IL16: variants seen among roughly 807,000 people sequenced by gnomAD.
IL16 encodes interleukin 16, also known as pro-interleukin-16.
In IL16, 67 loss-of-function variants were observed where a neutral mutation model predicts 110.1. The ratio of observed to expected loss-of-function variants is 0.61; its 90% CI spans 0.50 to 0.75. The LOEUF (loss-of-function observed/expected upper bound fraction) is 0.75. Ranked by LOEUF, IL16 falls within the 30% of genes least tolerant of loss-of-function variation. IL16 has a pLI of 0.00. For synonymous variants in IL16, 689 were observed against 662.9 expected (o/e 1.04, Z -0.61); for missense variants, 1,545 against 1,655.0 (o/e 0.93, Z 1.15).
intron 14 of IL16, among the ~76,000 whole-genome samples, chr15:81,300,882 A>G (rs1303002289): frequency 2.0e-5 from 3 of 152,182 alleles, no homozygotes; most frequent in Non-Finnish European, 2.9e-5. Flanking sequence ...TTACTCTCCA[A>G]ATGGAATCCA....
At chr15:81,200,938 G>C (rs1895787457) in intron 1 of IL16, among the ~76,000 whole-genome samples, 1 of 152,138 alleles carries the variant, frequency 6.6e-6, no homozygotes, top group Non-Finnish European at 1.5e-5. Flanking sequence ...TGGACAGGTG[G>C]CCCAGTCTTA....
At chr15:81,209,869 C>T (rs879668681) in intron 1 of IL16, among the ~76,000 whole-genome samples, 3 of 152,212 alleles carry the variant, frequency 2.0e-5, no homozygotes, top group Non-Finnish European at 4.4e-5. Context: ...GATTTCAAAA[C>T]AACATCTGGA....
chr15:81,278,716 T>C (rs1372186598), intron 6 of IL16, 101 bp from the exon 7 acceptor site: 20 of 820,076 alleles, frequency 2.4e-5, no homozygotes, highest in Non-Finnish European at 3.6e-5. Context: ...TCGTGCATCA[T>C]ACAAAAAGCC....
intron 2 of IL16, among the ~76,000 whole-genome samples, chr15:81,248,591 C>G (rs1897648127): frequency 1.3e-5 from 2 of 149,870 alleles, no homozygotes; most frequent in Non-Finnish European, 1.5e-5. Context: ...ATGTTTAATA[C>G]TTATTCCATT....
At chr15:81,228,322 A>ATTT (rs34038033) in intron 2 of IL16, among the ~76,000 whole-genome samples, 17 of 140,476 alleles carry the variant, frequency 1.2e-4, no homozygotes, top group Non-Finnish European at 2.0e-4. Flanking sequence ...TGTACAACAC[A>ATTT]TTTTTTTTTT....
intron 3 of IL16, among the ~76,000 whole-genome samples, chr15:81,263,922 T>G (rs77762805): frequency 0.012 from 1,797 of 152,188 alleles, 36 homozygotes; most frequent in African/African-American, 0.042. Flanking sequence ...TCCTCACTGA[T>G]AGAGGAAGGA....
At chr15:81,235,261 T>C (rs1157405826) in intron 2 of IL16, among the ~76,000 whole-genome samples, 1 of 152,216 alleles carries the variant, frequency 6.6e-6, no homozygotes, top group African/African-American at 2.4e-5. Flanking sequence ...AAGAGGTTTA[T>C]TTGGCTTACC....
chr15:81,284,036 A>G (rs922888301), intron 9 of IL16, among the ~76,000 whole-genome samples: 1 of 150,918 alleles, frequency 6.6e-6, no homozygotes, highest in Admixed American at 6.6e-5. Flanking sequence ...GAGAGAGAAG[A>G]TATCAGTAAG....
chr15:81,245,594 C>G (rs1341777176), intron 2 of IL16, among the ~76,000 whole-genome samples: 1 of 114,352 alleles, frequency 8.7e-6, no homozygotes, highest in Non-Finnish European at 1.9e-5. Flanking sequence ...AGTCTAGCCA[C>G]TGCTGGCATG....
At chr15:81,182,766 C>T (rs142504029) in exon 1 of IL16, 19 of 712,754 alleles carry the variant, frequency 2.7e-5, no homozygotes, top group South Asian at 1.6e-4. Flanking sequence ...TACTCCCAGC[C>T]GAGAAGCTGC....
intron 1 of IL16, among the ~76,000 whole-genome samples, chr15:81,223,803 G>C (rs1346553159): frequency 6.6e-6 from 1 of 152,220 alleles, no homozygotes; most frequent in Non-Finnish European, 1.5e-5. Flanking sequence ...ATACCAATCT[G>C]TTCAGGAGTG....
chr15:81,275,708 A>T (rs1898880029), intron 6 of IL16, among the ~76,000 whole-genome samples: 2 of 152,100 alleles, frequency 1.3e-5, no homozygotes, highest in Non-Finnish European at 2.9e-5. Flanking sequence ...ATGAGTCAAG[A>T]CTCTCAGCTA....
At chr15:81,207,527 C>T (rs1050398451) in intron 1 of IL16, among the ~76,000 whole-genome samples, 2 of 151,658 alleles carry the variant, frequency 1.3e-5, no homozygotes, top group African/African-American at 2.4e-5. Context: ...TCCCACCCAC[C>T]CCCTCTAGTA....
At chr15:81,225,799 T>G (rs1896770913) in intron 2 of IL16, 88 bp downstream of exon 2, 2 of 1,196,142 alleles carry the variant, frequency 1.7e-6, no homozygotes, top group Non-Finnish European at 2.3e-6. Flanking sequence ...TATTCAAAAA[T>G]CATGAAGCTG....
At chr15:81,232,042 G>GTT in intron 2 of IL16, among the ~76,000 whole-genome samples, 7,033 of 56,058 alleles carry the variant, frequency 0.13, 404 homozygotes, top group Non-Finnish European at 0.17. Flanking sequence ...ATTTGTTCTT[G>GTT]TTTTTTTTTT....
At chr15:81,298,050 C>T (rs1006975685) in intron 13 of IL16, among the ~76,000 whole-genome samples, 2 of 152,180 alleles carry the variant, frequency 1.3e-5, no homozygotes, top group Non-Finnish European at 2.9e-5. Context: ...AAGCAAACGC[C>T]TCAGTGTTTA....
intron 2 of IL16, among the ~76,000 whole-genome samples, chr15:81,250,141 G>A (rs1182915198): frequency 6.6e-6 from 1 of 152,082 alleles, no homozygotes; most frequent in Non-Finnish European, 1.5e-5. Flanking sequence ...TGATTATGGT[G>A]TGTTGCTCCT....
At chr15:81,241,941 G>A (rs1399628111) in intron 2 of IL16, among the ~76,000 whole-genome samples, 3 of 148,364 alleles carry the variant, frequency 2.0e-5, no homozygotes, top group Non-Finnish European at 4.5e-5. Context: ...TGTGAAATGT[G>A]AAACTTAAAC....
chr15:81,277,933 C>A (rs558172975), intron 6 of IL16, among the ~76,000 whole-genome samples: 3 of 152,126 alleles, frequency 2.0e-5, no homozygotes, highest in Non-Finnish European at 4.4e-5. Context: ...AAGTGGTTTT[C>A]TGTTCACATA....
Sources: allele counts gnomAD v4.1 joint callset (sites outside exome capture counted in the v4.1 genomes callset), GRCh38; gene constraint gnomAD v4.1.1; transcripts MANE v1.5; gene names NCBI Gene and HGNC (gene_info 2026-07-23, HGNC 2026-07-21).